Variants in PHF8 observed in about 807,000 individuals in gnomAD.
PHF8 encodes PHD finger protein 8.
A neutral mutation model predicts 74.4 loss-of-function variants in PHF8; 9 were observed. The observed-to-expected ratio is 0.12, with a 90% confidence interval of 0.07 to 0.21. PHF8 has a LOEUF of 0.21. Ranked by LOEUF, PHF8 falls within the 10% of genes least tolerant of loss-of-function variation. The pLI is 1.00. For synonymous variants in PHF8, 311 were observed against 316.6 expected (o/e 0.98, Z 0.19); for missense variants, 478 against 816.6 (o/e 0.59, Z 5.05).
chrX:53,938,174 C>G lies in PHF8; in HGVS notation c.*984G>C. 1 of 1,102,616 alleles carries G rather than the reference C, an allele frequency of 9.1e-7. No individual in the cohort carries two copies. Among genetic ancestry groups the G allele is most frequent in the South Asian group, 2.3e-5 (1 of 43,346 alleles). The allele number at this position is 1,102,616 out of a possible 1,213,427, so 90.9% of individuals were successfully genotyped here. On this transcript the variant is annotated 3_prime_UTR_variant, in exon 22 of 22. Coordinates refer to ENST00000338154, the MANE Select transcript of PHF8 (RefSeq NM_015107.3). ...TCCCGATGGAGGACCCAGGTGTGGG[C>G]CGTCCCGCCACACCCTCCATAATGT...
intron 5 of PHF8, 79 bp downstream of exon 5, chrX:54,017,582 A>G: frequency 1.1e-6 from 1 of 920,802 alleles, no homozygotes; most frequent in Non-Finnish European, 1.6e-6. Context: ...GGAAATGCAA[A>G]AACAGATTGG....
At chrX:53,947,046 T>C (rs1290599917) in intron 19 of PHF8, among the ~76,000 whole-genome samples, 2 of 112,084 alleles carry the variant, frequency 1.8e-5, no homozygotes, top group Non-Finnish European at 3.8e-5. Context: ...AGTCTTGCTT[T>C]GTCGCCCAAG....
intron 2 of PHF8, among the ~76,000 whole-genome samples, chrX:54,036,147 G>C (rs1289526644): frequency 9.4e-6 from 1 of 106,022 alleles, no homozygotes; most frequent in Non-Finnish European, 1.9e-5. Context: ...AAATCAGCAA[G>C]GATTAGAAGA....
At chrX:53,959,380 T>C (rs782122369) in intron 19 of PHF8, among the ~76,000 whole-genome samples, 2 of 111,816 alleles carry the variant, frequency 1.8e-5, no homozygotes, top group Non-Finnish European at 3.8e-5. Flanking sequence ...GCGGCAAATG[T>C]CCTTCTAGAT....
intron 14 of PHF8, among the ~76,000 whole-genome samples, chrX:53,989,006 G>C (rs1471655823): frequency 9.4e-6 from 1 of 106,338 alleles, no homozygotes; most frequent in African/African-American, 3.5e-5. Context: ...CTGTCGCCCA[G>C]GCTGGAGTAC....
intron 14 of PHF8, among the ~76,000 whole-genome samples, chrX:53,989,787 C>T (rs1269731918): frequency 1.8e-5 from 2 of 112,093 alleles, no homozygotes; most frequent in African/African-American, 6.5e-5. Flanking sequence ...CTATTTTCTA[C>T]TTCAGAGGGT....
intron 18 of PHF8, among the ~76,000 whole-genome samples, chrX:53,970,370 A>G (rs1054801866): frequency 1.8e-5 from 2 of 112,330 alleles, no homozygotes; most frequent in Admixed American, 1.9e-4. Context: ...AGGAGCTCCT[A>G]AAGGAAGTAC....
At chrX:54,028,376 G>A (rs2066303108) in intron 2 of PHF8, among the ~76,000 whole-genome samples, 1 of 111,642 alleles carries the variant, frequency 9.0e-6, no homozygotes. Flanking sequence ...CAGCCACTAT[G>A]AGTAGGGATG....
At chrX:53,972,498 T>C (rs1451562340) in intron 18 of PHF8, among the ~76,000 whole-genome samples, 3 of 110,894 alleles carry the variant, frequency 2.7e-5, no homozygotes, top group African/African-American at 9.8e-5. Context: ...GTTCAACATA[T>C]GCAAATCAAT....
At chrX:54,002,392 T>C (rs782648386) in intron 9 of PHF8, 131 bp from the exon 10 acceptor site, 1 of 554,901 alleles carries the variant, frequency 1.8e-6, no homozygotes, top group South Asian at 2.5e-5. Flanking sequence ...ACTTTACACA[T>C]TAGGAAACTT....
At chrX:54,045,848 G>A (rs2066629127), upstream of PHF8, among the ~76,000 whole-genome samples, 1 of 112,082 alleles carries the variant, frequency 8.9e-6, no homozygotes, top group African/African-American at 3.2e-5. Flanking sequence ...AAATGCAAAA[G>A]AGTTTAGATT....
chrX:53,985,051 G>C lies in PHF8; in HGVS notation c.2306C>G (p.Pro769Arg). Residue 769 changes from proline to arginine, a missense_variant, in exon 18 of 22, where the codon CCT becomes CGT. Coordinates refer to ENST00000338154, the MANE Select transcript of PHF8 (RefSeq NM_015107.3). Reference protein sequence around the residue: ...SSGLGTVSNSPASQRTPGKRP... With the variant: ...SSGLGTVSNSRASQRTPGKRP... The stretch of plus-strand genomic sequence containing the variant: ...CTTCCCTGGGGTGCGCTGGGAAGCA[G>C]GACTGTTAGACACTGTGCCCAGCCC... 5 of 1,211,566 alleles carry C rather than the reference G, an allele frequency of 4.1e-6. No homozygotes were observed. Among genetic ancestry groups the C allele is most frequent in the East Asian group, 3.0e-5 (1 of 33,838 alleles).
chrX:53,962,992 G>A (rs963892342), intron 18 of PHF8, 53 bp from the exon 19 acceptor site: 2 of 753,585 alleles, frequency 2.7e-6, no homozygotes, highest in Non-Finnish European at 4.2e-6. Context: ...AAAGGGTGAA[G>A]ATAGAATGAC....
At chrX:54,040,692 A>G (rs1027460306) in intron 2 of PHF8, among the ~76,000 whole-genome samples, 3 of 111,709 alleles carry the variant, frequency 2.7e-5, no homozygotes, top group Admixed American at 9.5e-5. Context: ...AGAACAAGAG[A>G]GGAGGAGTGG....
At chrX:54,032,446 C>A (rs2066376621) in intron 2 of PHF8, among the ~76,000 whole-genome samples, 1 of 110,549 alleles carries the variant, frequency 9.0e-6, no homozygotes, top group African/African-American at 3.3e-5. Flanking sequence ...CAGGTCTGCT[C>A]CCCACTTGGG....
rs1290133936 is a variant in PHF8 at position 53,966,581 on chromosome X, A to G, written c.2444-3642T>C. 4.5e-5 allele frequency among the ~76,000 whole-genome samples: 5 copies of G among 111,683 alleles called. No homozygotes were observed. In the South Asian group the frequency reaches 1.5e-3, roughly 34 times the overall value. ...TGCAGTGGCGTGATCTCGGCTCGCT[A>G]CAACCTCCACCTCCCAGCCGCCTGC... On this transcript the variant is annotated intron_variant, in intron 18 of 21. Transcript: ENST00000338154.
chrX:54,019,391 A>C (rs1171226118), intron 4 of PHF8, among the ~76,000 whole-genome samples: 1 of 110,030 alleles, frequency 9.1e-6, no homozygotes, highest in East Asian at 2.9e-4. Flanking sequence ...TAAGCTAGGG[A>C]GGTCAGGGCT....
intron 19 of PHF8, among the ~76,000 whole-genome samples, chrX:53,947,621 C>T (rs7065696): frequency 2.6e-4 from 29 of 111,608 alleles, no homozygotes; most frequent in African/African-American, 8.2e-4. Flanking sequence ...CAAATCCCAT[C>T]ACACCTTTCC....
At chrX:53,966,092 A>G (rs931740151) in intron 18 of PHF8, among the ~76,000 whole-genome samples, 2 of 112,274 alleles carry the variant, frequency 1.8e-5, no homozygotes, top group Non-Finnish European at 3.8e-5. Context: ...AGATAACTGG[A>G]ATACCTCTAA....
Sources: gnomAD v4.1 joint callset for allele counts (sites outside exome capture counted in the v4.1 genomes callset) on GRCh38, gnomAD v4.1.1 for gene constraint, MANE v1.5 for transcripts, NCBI Gene and HGNC (gene_info 2026-07-23, HGNC 2026-07-21) for gene names.